The following BICRA variants were observed in gnomAD, a reference collection of about 807,000 sequenced individuals.
BICRA encodes the protein BRD4-interacting chromatin-remodeling complex-associated protein.
BICRA carries 31 observed loss-of-function variants against 96.9 expected under a neutral mutation model. That is an observed-to-expected ratio of 0.32 (90% confidence interval 0.24 to 0.43). The LOEUF (loss-of-function observed/expected upper bound fraction) is 0.43, where lower values mean the gene tolerates loss of function less well. Ranked by LOEUF, BICRA falls within the 20% of genes least tolerant of loss-of-function variation. The probability of loss-of-function intolerance (pLI) is 1.00; values close to 1 mark genes in which losing one functional copy is unlikely to be tolerated. For synonymous variants in BICRA, 1,350 were observed against 1,071.8 expected (o/e 1.26, Z -5.07); for missense variants, 2,283 against 2,190.3 (o/e 1.04, Z -0.84).
In BICRA at chr19:47,681,050, C is replaced by G. The variant is rs1973043841; in HGVS notation, c.1880C>G (p.Ala627Gly). The G allele has an allele frequency of 4.3e-6, 6 of 1,406,072 alleles. No homozygotes were observed. Among genetic ancestry groups the G allele is most frequent in the East Asian group, 3.0e-5 (1 of 33,548 alleles). 87.1% of individuals were successfully genotyped at this position (1,406,072 alleles called of 1,614,324 possible). ...CTCACGGTGCAGCCTGCCCCCCAGG[C>G]GCCCCCCGCGGTCAGCACACCCCTG... The part of the protein sequence containing the change: ...PVLTVQPAPQ[A>G]PPAVSTPLPL... Residue 627 changes from alanine to glycine, a missense_variant, in exon 6 of 15, where the codon GCG becomes GGG. Ala to Gly is a moderately conservative substitution (Grantham distance 60, BLOSUM62 0). Coordinates refer to ENST00000594866, the MANE Select transcript of BICRA (RefSeq NM_001394372.1).
rs1568568762 is a variant in BICRA at position 47,679,587 on chromosome 19, CGGGGCAGGCCCGACGGGCGCTGGA to C, written c.425_448del (p.Gly142_Ala149del). 6.5e-7 allele frequency: 1 copy of C among 1,537,492 alleles called. No individual in the cohort carries two copies. Among genetic ancestry groups the C allele is most frequent in the Non-Finnish European group, 8.8e-7 (1 of 1,141,768 alleles). ...TGCCCACCCTGCAGCCTGCGGATGG[CGGGGCAGGCCCGACGGGCGCTGGA>C]GGGGCAGCGGCCGTGGCTGCGGGGC... On this transcript the variant is annotated inframe_deletion, in exon 6 of 15. Transcript: ENST00000594866.
chr19:47,629,058 G>C (rs1370062577), intron 1 of BICRA, among the ~76,000 whole-genome samples: 1 of 152,156 alleles, frequency 6.6e-6, no homozygotes, highest in Non-Finnish European at 1.5e-5. Context: ...CTGGAGTGCA[G>C]TGGCACAATC....
At chr19:47,640,965 T>A (rs1383591508) in intron 1 of BICRA, among the ~76,000 whole-genome samples, 1 of 145,772 alleles carries the variant, frequency 6.9e-6, no homozygotes, top group Non-Finnish European at 1.5e-5. Context: ...AGTGACATGA[T>A]CTTGGCTCAC....
chr19:47,699,428 G>C lies in BICRA; in HGVS notation c.3595+23G>C. On this transcript the variant is annotated intron_variant, in intron 14 of 14. Coordinates refer to ENST00000594866, the MANE Select transcript of BICRA (RefSeq NM_001394372.1). This position sits in a 1 kb window ranked among gnomAD's most constrained non-coding sequence, Gnocchi z 5.0. ...CGGGTGAGAGGGGGGAGTGAGAGGG[G>C]AGGGGAGGGAGAGGTGCCCCCACCC... 7.5e-7 allele frequency: 1 copy of C among 1,342,062 alleles called. No homozygotes were observed. The highest frequency in any genetic ancestry group is 1.0e-6 in the Non-Finnish European group (1 of 955,768). The allele number at this position is 1,342,062 out of a possible 1,614,324, so 83.1% of individuals were successfully genotyped here. A position where few individuals can be genotyped will look rare whatever the true frequency, so the allele number is the denominator to read the frequency against.
rs1468566044 is a variant in BICRA at position 47,699,349 on chromosome 19, T to G, written c.3539T>G (p.Ile1180Ser). The G allele has an allele frequency of 6.4e-7, 1 of 1,571,334 alleles. No homozygotes were observed. The highest frequency in any genetic ancestry group is 1.4e-5 in the African/African-American group (1 of 73,716). Reference protein sequence around the residue: ...AEMVMIDRMFIQEEKTTLALD... With the variant: ...AEMVMIDRMFSQEEKTTLALD... ...ATGGTAATGATCGACCGAATGTTCA[T>G]TCAGGAGGAGAAGACCACCCTTGCC... The change falls in exon 14 of 15, where the codon ATT becomes AGT. Residue 1180 changes from isoleucine (I) to serine (S), a missense_variant. Transcript: ENST00000594866. The surrounding 1 kb of genome is among the most constrained non-coding windows in gnomAD (Gnocchi z 5.0).
intron 1 of BICRA, among the ~76,000 whole-genome samples, chr19:47,639,319 A>AGTT: frequency 1.9e-5 from 1 of 52,378 alleles, no homozygotes; most frequent in African/African-American, 8.7e-5. Flanking sequence ...CCCACCCTGC[A>AGTT]TTTTTTTTTT....
chr19:47,668,960 G>T (rs998467611), intron 1 of BICRA, among the ~76,000 whole-genome samples: 3 of 151,888 alleles, frequency 2.0e-5, no homozygotes, highest in Non-Finnish European at 4.4e-5. Context: ...TCTCTACTTA[G>T]CCGGGTATAG....
In BICRA at chr19:47,702,085, C is replaced by G; in HGVS notation, c.4353C>G (p.Pro1451=). The G allele has an allele frequency of 1.3e-6, 2 of 1,513,270 alleles. No individual in the cohort carries two copies. The highest frequency in any genetic ancestry group is 1.8e-6 in the Non-Finnish European group (2 of 1,139,176). The allele number at this position is 1,513,270 out of a possible 1,614,324, so 93.7% of individuals were successfully genotyped here. A position where few individuals can be genotyped will look rare whatever the true frequency, so the allele number is the denominator to read the frequency against. Residue 1451 remains proline, a synonymous_variant, in exon 15 of 15, where the codon CCC becomes CCG. Coordinates refer to ENST00000594866, the MANE Select transcript of BICRA (RefSeq NM_001394372.1). ...TGCTGAAGGGCCCCCCGCCAGAGCC[C>G]GCAGCCAGCGCCGCCCAAGGCACCG... ...QRMLKGPPPE[P]AASAAQGTGD...
Position 47,701,620 on chromosome 19 carries a change from C to T in BICRA, c.3888C>T (p.Pro1296=), listed in dbSNP as rs1282939225. The change falls in exon 15 of 15, where the codon CCC becomes CCT. Residue 1296 remains proline (P), a synonymous_variant. Coordinates refer to ENST00000594866, the MANE Select transcript of BICRA (RefSeq NM_001394372.1). This position sits in a 1 kb window ranked among gnomAD's most constrained non-coding sequence, Gnocchi z 5.4. ...DGPMPSRNRP[P]IKTYEARSRI... ...CCATGCCCTCCCGCAACCGCCCGCC[C>T]ATCAAGACCTACGAGGCCCGGAGCC... The T allele has an allele frequency of 1.2e-5, 19 of 1,573,582 alleles. No homozygotes were observed. Among genetic ancestry groups the T allele is most frequent in the Non-Finnish European group, 1.6e-5 (18 of 1,160,998 alleles).
chr19:47,624,645 T>G (rs1228917886), intron 1 of BICRA, among the ~76,000 whole-genome samples: 2 of 151,860 alleles, frequency 1.3e-5, no homozygotes, highest in African/African-American at 4.8e-5. Context: ...GCTGTGTCTT[T>G]GAAGTGTAGT....
chr19:47,616,834 AT>A (rs1017061730), intron 1 of BICRA, among the ~76,000 whole-genome samples: 141 of 146,438 alleles, frequency 9.6e-4, no homozygotes, highest in Middle Eastern at 6.9e-3. Flanking sequence ...ATTTTTATTA[AT>A]TTTTTTTTTT....
intron 1 of BICRA, among the ~76,000 whole-genome samples, chr19:47,625,669 AG>A (rs1972129547): frequency 6.6e-6 from 1 of 152,114 alleles, no homozygotes; most frequent in Non-Finnish European, 1.5e-5. Flanking sequence ...AAAGAAGGTG[AG>A]GGAAGGTTCT....
intron 7 of BICRA, 93 bp downstream of exon 7, chr19:47,682,245 G>A (rs940312793): frequency 2.0e-5 from 12 of 607,652 alleles, no homozygotes; most frequent in South Asian, 6.0e-5. Flanking sequence ...CCCTGCCTGC[G>A]TCTCTGTTCT....
chr19:47,608,358 C>T (rs1305662197), upstream of BICRA: 1 of 152,710 alleles, frequency 6.5e-6, no homozygotes, highest in Non-Finnish European at 1.5e-5. Flanking sequence ...TGTCAGGCTC[C>T]AACTCTGGGC....
intron 1 of BICRA, among the ~76,000 whole-genome samples, chr19:47,623,537 A>C (rs532468363): frequency 6.4e-4 from 97 of 152,220 alleles, no homozygotes; most frequent in African/African-American, 2.3e-3. Context: ...CAGGCTTCCT[A>C]CTGCTTGGAC....
chr19:47,658,584 A>G (rs1040087535), intron 1 of BICRA, among the ~76,000 whole-genome samples: 2 of 150,284 alleles, frequency 1.3e-5, no homozygotes, highest in African/African-American at 5.0e-5. Flanking sequence ...GTGAGCTGAA[A>G]TCATGCCACT....
chr19:47,611,475 A>G (rs1346787684), intron 1 of BICRA, among the ~76,000 whole-genome samples: 3 of 152,134 alleles, frequency 2.0e-5, no homozygotes, highest in Non-Finnish European at 4.4e-5. Flanking sequence ...CCCCACTGTC[A>G]TCTTCTCCCT....
In BICRA at chr19:47,679,987, G is replaced by A. The variant is rs770697589; in HGVS notation, c.817G>A (p.Val273Met). 7.4e-6 allele frequency: 11 copies of A among 1,482,766 alleles called. No homozygotes were observed. Among genetic ancestry groups the A allele is most frequent in the South Asian group, 4.0e-5 (3 of 75,810 alleles). The allele number at this position is 1,482,766 out of a possible 1,614,324, so 91.9% of individuals were successfully genotyped here. The stretch of plus-strand genomic sequence containing the variant: ...CTCGGCGGCTGGCCCCTCGGAGCCC[G>A]TGACGCTGGCGTCGGCCGGTGTCTC... The part of the protein sequence containing the change: ...LASAAGPSEP[V>M]TLASAGVSPQ... Residue 273 changes from valine to methionine, a missense_variant, in exon 6 of 15, where the codon GTG (valine) becomes ATG (methionine). Physicochemically the swap from Val to Met is conservative, Grantham distance 21 (BLOSUM62 1). Transcript: ENST00000594866.
chr19:47,615,748 T>C (rs987888288), intron 1 of BICRA: 1 of 152,210 alleles, frequency 6.6e-6, no homozygotes, highest in Non-Finnish European at 1.5e-5. Context: ...AGGTGTTGGA[T>C]GGAATGCTGG....
Sources: gnomAD v4.1 joint callset for allele counts (sites outside exome capture counted in the v4.1 genomes callset) on GRCh38, gnomAD v4.1.1 for gene constraint, Gnocchi (gnomAD v3.1) non-coding constraint, MANE v1.5 for transcripts, NCBI Gene and HGNC (gene_info 2026-07-23, HGNC 2026-07-21) for gene names.